The following PAQR8 variants were observed in gnomAD, a reference collection of about 807,000 sequenced individuals.
PAQR8 encodes the protein progestin and adipoQ receptor family member 8.
In PAQR8, 17 loss-of-function variants were observed where a neutral mutation model predicts 25.2. The observed-to-expected ratio is 0.67, with a 90% CI of 0.46 to 1.01. The LOEUF (loss-of-function observed/expected upper bound fraction) is 1.01, where lower values mean the gene tolerates loss of function less well. PAQR8 is among the 50% of genes least tolerant of loss of function. The pLI, the probability that PAQR8 is intolerant of heterozygous loss-of-function variation, is 0.00. For synonymous variants in PAQR8, 204 were observed against 190.6 expected, an observed-to-expected ratio of 1.07 and a Z score of -0.58; for missense variants, 392 against 448.4, an observed-to-expected ratio of 0.87 and a Z score of 1.14.
At chr6:52,373,968 T>TC (rs1436933957) in intron 1 of PAQR8, among the ~76,000 whole-genome samples, 1 of 152,128 alleles carries the variant, frequency 6.6e-6, no homozygotes, top group Non-Finnish European at 1.5e-5. Context: ...CTTCACATCA[T>TC]CCCCATTGAA....
chr6:52,399,453 T>C (rs1480389017), intron 1 of PAQR8, among the ~76,000 whole-genome samples: 2 of 152,180 alleles, frequency 1.3e-5, no homozygotes, highest in Admixed American at 6.5e-5. Flanking sequence ...CTTTAGAAAT[T>C]CAGTTGAGTT....
chr6:52,398,197 CTTTTTTCTTTTTTT>C (rs1160755741), intron 1 of PAQR8, among the ~76,000 whole-genome samples: 1 of 133,712 alleles, frequency 7.5e-6, no homozygotes, highest in Non-Finnish European at 1.5e-5. Context: ...TTTTTCTTTT[CTTTTTTCTTTTTTT>C]TTTTTTTTTT....
intron 1 of PAQR8, among the ~76,000 whole-genome samples, chr6:52,397,854 C>G (rs992013932): frequency 3.9e-5 from 6 of 152,134 alleles, no homozygotes; most frequent in African/African-American, 1.4e-4. Flanking sequence ...GTGCAGCCAC[C>G]TGGGAAGGCT....
chr6:52,363,080 G>A (rs1763309804), intron 1 of PAQR8, among the ~76,000 whole-genome samples: 1 of 152,106 alleles, frequency 6.6e-6, no homozygotes, highest in African/African-American at 2.4e-5. Context: ...TAACTCGAGA[G>A]GGAATCTAGT....
rs139619441 is a variant in PAQR8, at chr6:52,365,581, A to G, written c.-53+3332A>G. On this transcript the variant is annotated intron_variant, in intron 1 of 1. Coordinates refer to ENST00000442253, the MANE Select transcript of PAQR8 (RefSeq NM_133367.5). ...TTCTTGTTAGGAATATTATTTATTG[A>G]TAGTCTTATGTTAAAATTCCTTTGA... Among the ~76,000 whole-genome samples the G allele has an allele frequency of 8.5e-4, 130 of 152,232 alleles. 1 individual carries two copies. The highest frequency in any genetic ancestry group is 1.5e-3 in the Admixed American group (23 of 15,292).
chr6:52,388,833 A>G (rs1452575459), intron 1 of PAQR8, among the ~76,000 whole-genome samples: 1 of 152,226 alleles, frequency 6.6e-6, no homozygotes, highest in African/African-American at 2.4e-5. Context: ...TAAGCTTCAC[A>G]GGGGAGGGGT....
In PAQR8 at chr6:52,389,859, G is replaced by A. The variant is rs146620200; in HGVS notation, c.-52-13303G>A. 1.3e-3 allele frequency among the ~76,000 whole-genome samples: 204 copies of A among 152,290 alleles called. 1 individual carries two copies. The highest frequency in any genetic ancestry group is 5.4e-3 in the South Asian group (26 of 4,830). On this transcript the variant is annotated intron_variant, in intron 1 of 1. Coordinates refer to ENST00000442253, the MANE Select transcript of PAQR8 (RefSeq NM_133367.5). The stretch of plus-strand genomic sequence containing the variant: ...TCTTCACGTTCACCCGGGTTGGCCC[G>A]GGTCCCAGCTGGTTTGCAGATCAGT...
intron 1 of PAQR8, among the ~76,000 whole-genome samples, chr6:52,368,078 A>C (rs1465663565): frequency 6.6e-6 from 1 of 152,150 alleles, no homozygotes; most frequent in Non-Finnish European, 1.5e-5. Context: ...AAATATACAA[A>C]AAATAGCCAG....
At chr6:52,388,121 A>G (rs1763653882) in intron 1 of PAQR8, among the ~76,000 whole-genome samples, 1 of 152,230 alleles carries the variant, frequency 6.6e-6, no homozygotes, top group South Asian at 2.1e-4. Flanking sequence ...CATGCCTGTA[A>G]TCCCAGCGCC....
chr6:52,395,164 T>C (rs1763752742), intron 1 of PAQR8, among the ~76,000 whole-genome samples: 1 of 151,324 alleles, frequency 6.6e-6, no homozygotes, highest in Admixed American at 6.6e-5. Context: ...TCCCAGCTAC[T>C]TGGGAGGCTG....
At position 52,406,127 on chromosome 6, in the gene PAQR8, G is replaced by T. The variant is rs41273736; in HGVS notation, c.*1849G>T. On this transcript the variant is annotated 3_prime_UTR_variant, in exon 2 of 2. Transcript: ENST00000442253. ...TTCTGGTGTCTAGGACAAATTTATG[G>T]CAAATAAAATTAGCAAAACTGAACT... 0.14 allele frequency: 24,844 copies of T among 183,044 alleles called. 1,834 individuals carry two copies. The highest frequency in any genetic ancestry group is 0.22 in the Middle Eastern group (89 of 402). 11.3% of individuals were successfully genotyped at this position (183,044 alleles called of 1,614,324 possible).
At chr6:52,391,733 A>G (rs57214456) in intron 1 of PAQR8, among the ~76,000 whole-genome samples, 1 of 152,172 alleles carries the variant, frequency 6.6e-6, no homozygotes, top group African/African-American at 2.4e-5. Context: ...TTTGGCTGCT[A>G]TTCCTTTGCA....
chr6:52,406,432 T>A lies in PAQR8; in HGVS notation c.*2154T>A, dbSNP rs1245267813. The A allele has an allele frequency of 9.7e-6, 4 of 413,286 alleles. No homozygotes were observed. The highest frequency in any genetic ancestry group is 1.8e-5 in the Non-Finnish European group (4 of 226,100). The allele number at this position is 413,286 out of a possible 1,614,324, so 25.6% of individuals were successfully genotyped here. A position where few individuals can be genotyped will look rare whatever the true frequency, so the allele number is the denominator to read the frequency against. On this transcript the variant is annotated 3_prime_UTR_variant, in exon 2 of 2. Transcript: ENST00000442253. ...GGAGGTAGAGCAATGATCAGATGGGTGCACAGACCAGTGCCAATCTGAACA... is the reference window on the plus strand; with the variant it reads ...GGAGGTAGAGCAATGATCAGATGGGAGCACAGACCAGTGCCAATCTGAACA...
At chr6:52,391,646 G>C (rs1165496669) in intron 1 of PAQR8, among the ~76,000 whole-genome samples, 2 of 152,240 alleles carry the variant, frequency 1.3e-5, no homozygotes, top group East Asian at 3.8e-4. Context: ...ATGTGAGACT[G>C]TTTCCAACTC....
At chr6:52,402,961 A>G (rs1236489194) in intron 1 of PAQR8, among the ~76,000 whole-genome samples, 4 of 152,110 alleles carry the variant, frequency 2.6e-5, no homozygotes, top group Non-Finnish European at 2.9e-5. Flanking sequence ...GCGTGCATCT[A>G]TGGTCCTAGC....
intron 1 of PAQR8, among the ~76,000 whole-genome samples, chr6:52,402,295 C>T (rs532414704): frequency 3.3e-5 from 5 of 151,318 alleles, no homozygotes; most frequent in Admixed American, 6.6e-5. Context: ...ACCCGGGAGA[C>T]GGAAGTTGCA....
At chr6:52,389,234 A>G (rs952843956) in intron 1 of PAQR8, among the ~76,000 whole-genome samples, 1 of 152,168 alleles carries the variant, frequency 6.6e-6, no homozygotes, top group African/African-American at 2.4e-5. Flanking sequence ...GAAAACCCAC[A>G]TTTTCGTTTT....
chr6:52,387,034 C>T (rs755384087), intron 1 of PAQR8, among the ~76,000 whole-genome samples: 4 of 151,584 alleles, frequency 2.6e-5, no homozygotes, highest in Admixed American at 1.3e-4. Context: ...TTTTTTGAGA[C>T]GGAGTCTCAC....
intron 1 of PAQR8, among the ~76,000 whole-genome samples, chr6:52,368,063 C>G (rs529687191): frequency 1.3e-5 from 2 of 152,226 alleles, no homozygotes; most frequent in South Asian, 4.2e-4. Context: ...GACCCCATCT[C>G]TACAAAATAT....
Sources: allele counts gnomAD v4.1 joint callset (sites outside exome capture counted in the v4.1 genomes callset), GRCh38; gene constraint gnomAD v4.1.1; transcripts MANE v1.5; gene names NCBI Gene and HGNC (gene_info 2026-07-23, HGNC 2026-07-21).